Variants in ULK4 observed in about 807,000 individuals in gnomAD.
ULK4 encodes the protein unc-51 like kinase 4, also known as inactive serine/threonine-protein kinase ULK4.
Under a neutral mutation model 160.6 loss-of-function variants are expected in ULK4, and 133 were observed. The ratio of observed to expected loss-of-function variants is 0.83; its 90% CI spans 0.72 to 0.96. The LOEUF is 0.96. ULK4 is among the 40% of genes least tolerant of loss of function. The pLI, the probability that ULK4 is intolerant of heterozygous loss-of-function variation, is 0.00. For missense variants in ULK4, 1,580 were observed against 1,499.5 expected, an observed-to-expected ratio of 1.05 and a Z score of -0.89; for synonymous variants, 534 against 539.8, an observed-to-expected ratio of 0.99 and a Z score of 0.15.
chr3:41,247,181 C>A (rs2078661491), intron 36 of ULK4, among the ~76,000 whole-genome samples, 189 bp from the exon 37 acceptor site: 1 of 152,208 alleles, frequency 6.6e-6, no homozygotes, highest in South Asian at 2.1e-4. Context: ...CATGCCAGCA[C>A]CCTGAGCTAT....
chr3:41,369,465 G>A (rs982667553), intron 35 of ULK4, among the ~76,000 whole-genome samples: 9 of 149,596 alleles, frequency 6.0e-5, no homozygotes, highest in Admixed American at 6.0e-4. Flanking sequence ...CTGCACTCTA[G>A]TCTGGGCAAA....
chr3:41,665,907 A>G (rs551980311), intron 29 of ULK4, among the ~76,000 whole-genome samples: 1 of 152,344 alleles, frequency 6.6e-6, no homozygotes, highest in Admixed American at 6.5e-5. Flanking sequence ...AGGACTCACA[A>G]AACTCAGAAA....
intron 22 of ULK4, among the ~76,000 whole-genome samples, chr3:41,737,514 C>T (rs1006792264): frequency 6.6e-6 from 1 of 151,892 alleles, no homozygotes; most frequent in Non-Finnish European, 1.5e-5. Context: ...GAAAAAACGA[C>T]TTTCAAGTTC....
intron 31 of ULK4, among the ~76,000 whole-genome samples, chr3:41,606,085 G>A (rs977436372): frequency 4.0e-5 from 6 of 151,896 alleles, no homozygotes; most frequent in South Asian, 4.1e-4. Context: ...TTTGTGAGAC[G>A]AAACTAAGGC....
chr3:41,519,989 G>A (rs1440600959), intron 32 of ULK4, among the ~76,000 whole-genome samples: 1 of 152,150 alleles, frequency 6.6e-6, no homozygotes, highest in Non-Finnish European at 1.5e-5. Context: ...CCTCTCACCA[G>A]CAGAATGTGA....
chr3:41,496,050 T>C (rs929975045), intron 32 of ULK4, among the ~76,000 whole-genome samples: 5 of 151,868 alleles, frequency 3.3e-5, no homozygotes, highest in African/African-American at 1.2e-4. Flanking sequence ...AGTCAAACAA[T>C]AAAGTAGTAT....
At chr3:41,830,581 T>G (rs1468004276) in intron 18 of ULK4, among the ~76,000 whole-genome samples, 1 of 152,054 alleles carries the variant, frequency 6.6e-6, no homozygotes, top group Admixed American at 6.6e-5. Context: ...GTGTTTATTG[T>G]CTACCAATTA....
At chr3:41,688,037 C>T (rs1238166145) in intron 27 of ULK4, 1 of 152,302 alleles carries the variant, frequency 6.6e-6, no homozygotes, top group Non-Finnish European at 1.5e-5. Context: ...TTAACATCTA[C>T]TTGCCTTCAA....
intron 35 of ULK4, among the ~76,000 whole-genome samples, chr3:41,353,702 CT>C (rs1559540388): frequency 0.14 from 2,954 of 21,394 alleles, 82 homozygotes; most frequent in African/African-American, 0.34. Flanking sequence ...ATTACAATTA[CT>C]ACTACTACTA....
intron 35 of ULK4, among the ~76,000 whole-genome samples, chr3:41,305,185 GCTCTCCCTCTCC>G (rs72360335): frequency 0.16 from 23,467 of 146,886 alleles, 2,197 homozygotes; most frequent in African/African-American, 0.26. Flanking sequence ...CTGGAATAGG[GCTCTCCCTCTCC>G]CTCTCCCTCT....
At position 41,470,018 on chromosome 3, in the gene ULK4, G is replaced by GAAAAAAAAAAAAAAAAAAAAAAAAA. The variant is rs71094650; in HGVS notation, c.3227-6790_3227-6766dup. Among the ~76,000 whole-genome samples the GAAAAAAAAAAAAAAAAAAAAAAAAA allele has an allele frequency of 3.1e-3, 142 of 45,980 alleles. 4 individuals carry two copies. The highest frequency in any genetic ancestry group is 3.8e-3 in the Non-Finnish European group (101 of 26,542). 30.2% of individuals were successfully genotyped at this position (45,980 alleles called of 152,430 possible). On this transcript the variant is annotated intron_variant, in intron 32 of 36. Transcript: ENST00000301831. ...GAGGAATTCAAGAAGAAACAGAACA[G>GAAAAAAAAAAAAAAAAAAAAAAAAA]AAAAAAAAAAAAAAAAAAAAAAAAA...
At chr3:41,773,141 T>G (rs1370218226) in intron 21 of ULK4, among the ~76,000 whole-genome samples, 1 of 152,098 alleles carries the variant, frequency 6.6e-6, no homozygotes, top group Non-Finnish European at 1.5e-5. Flanking sequence ...ACTGGAAACA[T>G]TCCCTTTGAA....
intron 30 of ULK4, among the ~76,000 whole-genome samples, chr3:41,627,568 G>A (rs1047451086): frequency 6.6e-6 from 1 of 152,174 alleles, no homozygotes; most frequent in African/African-American, 2.4e-5. Context: ...TTGTCATGCA[G>A]TTCTTACTTA....
chr3:41,827,635 T>A (rs2041409207), intron 18 of ULK4, among the ~76,000 whole-genome samples: 1 of 152,006 alleles, frequency 6.6e-6, no homozygotes, highest in South Asian at 2.1e-4. Flanking sequence ...AATAACAGGA[T>A]CTGAAATTGA....
At chr3:41,261,388 G>A (rs1334583198) in intron 35 of ULK4, among the ~76,000 whole-genome samples, 1 of 152,122 alleles carries the variant, frequency 6.6e-6, no homozygotes, top group East Asian at 1.9e-4. Context: ...ACTTGTCCAA[G>A]GTCAGCTAGC....
Position 41,246,877 on chromosome 3 carries a change from T to G in ULK4, c.*52A>C, listed in dbSNP as rs2078652941. 2 of 1,595,888 alleles carry G rather than the reference T, an allele frequency of 1.3e-6. No homozygotes were observed. The highest frequency in any genetic ancestry group is 2.7e-5 in the African/African-American group (2 of 74,802). Reference sequence around the variant, plus strand: ...GGTGTCTGGGAGCTGACCTTGCTTATGCATCCGAGGGCTGGGGCCACAGGG... The same window carrying G: ...GGTGTCTGGGAGCTGACCTTGCTTAGGCATCCGAGGGCTGGGGCCACAGGG... On this transcript the variant is annotated 3_prime_UTR_variant, in exon 37 of 37. Transcript: ENST00000301831.
At chr3:41,663,023 C>T (rs1204146050) in intron 30 of ULK4, among the ~76,000 whole-genome samples, 4 of 151,938 alleles carry the variant, frequency 2.6e-5, no homozygotes, top group Non-Finnish European at 4.4e-5. Context: ...GAGTTCGAGA[C>T]CAGCCTGGCC....
At chr3:41,733,624 A>G (rs985273728) in intron 22 of ULK4, among the ~76,000 whole-genome samples, 2 of 151,968 alleles carry the variant, frequency 1.3e-5, no homozygotes, top group East Asian at 3.9e-4. Flanking sequence ...AAAAGTTTAT[A>G]TAATTACCAT....
At chr3:41,781,416 TA>T (rs57995352) in intron 21 of ULK4, among the ~76,000 whole-genome samples, 9,032 of 135,082 alleles carry the variant, frequency 0.067, 852 homozygotes, top group African/African-American at 0.22. Context: ...GACTCCATCT[TA>T]AAAAAAAAAA....
Sources: allele counts gnomAD v4.1 joint callset (sites outside exome capture counted in the v4.1 genomes callset), GRCh38; gene constraint gnomAD v4.1.1; transcripts MANE v1.5; gene names NCBI Gene and HGNC (gene_info 2026-07-23, HGNC 2026-07-21).